Variants in ARFRP1 observed in about 807,000 individuals in gnomAD.
ARFRP1 encodes the protein ADP-ribosylation factor-related protein 1.
A neutral mutation model predicts 30.3 loss-of-function variants in ARFRP1; 19 were observed. The ratio of observed to expected loss-of-function variants is 0.63; its 90% CI spans 0.44 to 0.92. ARFRP1 has a LOEUF of 0.92. Among genes scored for constraint, ARFRP1 ranks in the 40% least tolerant of loss-of-function variants. The probability of loss-of-function intolerance (pLI) is 0.00; values close to 1 mark genes in which losing one functional copy is unlikely to be tolerated. For missense variants in ARFRP1, 245 were observed against 267.5 expected, an observed-to-expected ratio of 0.92 and a Z score of 0.59; for synonymous variants, 133 against 114.2, an observed-to-expected ratio of 1.16 and a Z score of -1.05.
At chr20:63,702,387 G>T in intron 4 of ARFRP1, 170 bp from the exon 5 acceptor site, 1 of 645,594 alleles carries the variant, frequency 1.5e-6, no homozygotes, top group Non-Finnish European at 2.7e-6. Flanking sequence ...GGGAGATCTG[G>T]TGGAGGTGTC....
chr20:63,706,987 G>A lies in ARFRP1; in HGVS notation c.93+12C>T, dbSNP rs757117033. ...CCGTGGGAAAGGTGCGCGCAAGGGC[G>A]TGGGCACTCACCGTCTTCCCAGCAT... On this transcript the variant is annotated intron_variant, in intron 2 of 7. Coordinates refer to ENST00000622789, the MANE Select transcript of ARFRP1 (RefSeq NM_001267547.3). The A allele has an allele frequency of 5.6e-6, 9 of 1,613,126 alleles. No individual in the cohort carries two copies. Among genetic ancestry groups the A allele is most frequent in the Non-Finnish European group, 6.8e-6 (8 of 1,179,728 alleles).
At chr20:63,705,954 C>T in intron 4 of ARFRP1, 1 of 347,862 alleles carries the variant, frequency 2.9e-6, no homozygotes, top group Non-Finnish European at 5.7e-6. Flanking sequence ...CTAGCCCCAG[C>T]CCTGAACCCA....
intron 4 of ARFRP1, chr20:63,703,566 G>C (rs1317812713): frequency 6.6e-6 from 1 of 152,330 alleles, no homozygotes; most frequent in Non-Finnish European, 1.5e-5. Flanking sequence ...AAGGGACCCT[G>C]CAGTGTGCCG....
intron 4 of ARFRP1, chr20:63,705,766 G>A: frequency 1.9e-6 from 1 of 533,142 alleles, no homozygotes; most frequent in South Asian, 1.4e-5. Context: ...AGGGTCCCCA[G>A]GTCCCCACAC....
In ARFRP1 at chr20:63,702,225, G is replaced by A. The variant is rs373427374; in HGVS notation, c.265-8C>T. 3.1e-6 allele frequency: 5 copies of A among 1,610,508 alleles called. No homozygotes were observed. The African/African-American group carries it at 5.3e-5, about 17-fold the overall frequency. The stretch of plus-strand genomic sequence containing the variant: ...GTGACACTCCGCATAATACTGGGAG[G>A]AAGCACCAGGAGTTGGGGCTCAGTC... On this transcript the variant is annotated splice_region_variant and splice_polypyrimidine_tract_variant and intron_variant, in intron 4 of 7. Coordinates refer to ENST00000622789, the MANE Select transcript of ARFRP1 (RefSeq NM_001267547.3).
At chr20:63,701,998 G>GCCCCCCCTCCCCCC in intron 5 of ARFRP1, 98 bp from the exon 6 acceptor site, 1 of 583,916 alleles carries the variant, frequency 1.7e-6, no homozygotes. Context: ...CACTCCCTCT[G>GCCCCCCCTCCCCCC]CCCCCCCCCC....
rs187347689 is a variant in ARFRP1 at position 63,702,605 on chromosome 20, G to A, written c.265-388C>T. 1.4e-4 allele frequency: 32 copies of A among 235,170 alleles called. No individual in the cohort carries two copies. The East Asian group carries it at 3.6e-3, about 26-fold the overall frequency. The allele number at this position is 235,170 out of a possible 1,614,324, so 14.6% of individuals were successfully genotyped here. ...TCTGTACAAAAGCTTATGGTAATGT[G>A]CGCCTGCAGTCCTAGCTACTCGGGA... is the stretch of plus-strand genomic sequence containing the variant. On this transcript the variant is annotated intron_variant, in intron 4 of 7. Coordinates refer to ENST00000622789, the MANE Select transcript of ARFRP1 (RefSeq NM_001267547.3).
At chr20:63,700,902 G>C (rs2145527758) in intron 6 of ARFRP1, 200 bp from the exon 7 acceptor site, 2 of 681,768 alleles carry the variant, frequency 2.9e-6, no homozygotes, top group South Asian at 1.9e-5. Flanking sequence ...GGTAGTGCCT[G>C]AGACAAACTA....
At position 63,706,644 on chromosome 20, in the gene ARFRP1, C is replaced by T. The variant is rs2091480547; in HGVS notation, c.181+7G>A. On this transcript the variant is annotated splice_region_variant and intron_variant, in intron 3 of 7. Transcript: ENST00000622789. ...CCAAACCCACAGCCTGCTATTGAGA[C>T]CCTTACTGTTTAGGCCCACGGTGGT... 3 of 1,600,132 alleles carry T rather than the reference C, an allele frequency of 1.9e-6. No individual in the cohort carries two copies. Among genetic ancestry groups the T allele is most frequent in the Non-Finnish European group, 1.7e-6 (2 of 1,167,444 alleles).
chr20:63,706,254 A>G, intron 4 of ARFRP1, 103 bp downstream of exon 4: 1 of 1,072,652 alleles, frequency 9.3e-7, no homozygotes, highest in Non-Finnish European at 1.4e-6. Flanking sequence ...CCCGAGGGAC[A>G]GAGTGGGTAA....
rs2091484193 is a variant in ARFRP1 at position 63,706,705 on chromosome 20, T to G, written c.127A>C (p.Lys43Gln). 1.2e-6 allele frequency: 2 copies of G among 1,613,922 alleles called. No homozygotes were observed. The highest frequency in any genetic ancestry group is 1.7e-5 in the Admixed American group (1 of 60,002). The change falls in exon 3 of 8, where the codon AAG becomes CAG. Residue 43 changes from lysine to glutamine, a missense_variant. By Grantham distance (53) the Lys-to-Gln change is moderately conservative (BLOSUM62 1). Transcript: ENST00000622789. ...GATAGACTCATCCCCTTGTAGTTCT[T>G]GTTAAATCGGGTTTTCGACTGCTCC... is the stretch of plus-strand genomic sequence containing the variant. ...FLEQSKTRFN[K>Q]NYKGMSLSKI...
chr20:63,706,963 C>T (rs1568772842), intron 2 of ARFRP1, 36 bp downstream of exon 2: 2 of 1,610,196 alleles, frequency 1.2e-6, no homozygotes, highest in East Asian at 2.2e-5. Flanking sequence ...GCCGCCAGGC[C>T]GTGGGAAAGG....
intron 6 of ARFRP1, 111 bp downstream of exon 6, chr20:63,701,719 C>T (rs1048156650): frequency 3.0e-6 from 3 of 998,844 alleles, no homozygotes; most frequent in Non-Finnish European, 4.5e-6. Flanking sequence ...TGGCTCTGTA[C>T]CCCCTGGGCA....
chr20:63,701,151 C>T, intron 6 of ARFRP1: 1 of 456,608 alleles, frequency 2.2e-6, no homozygotes, highest in Non-Finnish European at 4.6e-6. Flanking sequence ...GCAGCCCTCC[C>T]CTCCCCTTTT....
In ARFRP1 at chr20:63,706,979, G is replaced by C. The variant is rs1040617964; in HGVS notation, c.93+20C>G. On this transcript the variant is annotated intron_variant, in intron 2 of 7. Transcript: ENST00000622789. ...CCGCCAGGCCGTGGGAAAGGTGCGC[G>C]CAAGGGCGTGGGCACTCACCGTCTT... 7 of 1,612,318 alleles carry C rather than the reference G, an allele frequency of 4.3e-6. No individual in the cohort carries two copies. Among genetic ancestry groups the C allele is most frequent in the Non-Finnish European group, 5.1e-6 (6 of 1,179,330 alleles).
At chr20:63,700,749 T>G in intron 6 of ARFRP1, 47 bp from the exon 7 acceptor site, 5 of 1,595,652 alleles carry the variant, frequency 3.1e-6, no homozygotes, top group Non-Finnish European at 4.3e-6. Context: ...TCTGGCCCTG[T>G]CCTGCCTGTG....
At chr20:63,701,604 T>C in intron 6 of ARFRP1, 1 of 595,446 alleles carries the variant, frequency 1.7e-6, no homozygotes, top group Non-Finnish European at 3.0e-6. Context: ...GGAAGAGGCC[T>C]CTGGGCGCCT....
chr20:63,701,743 G>T, intron 6 of ARFRP1, 87 bp downstream of exon 6: 2 of 1,264,854 alleles, frequency 1.6e-6, no homozygotes, highest in Non-Finnish European at 1.1e-6. Context: ...ACTGGGCCTG[G>T]GGTGTCTGGG....
intron 2 of ARFRP1, 52 bp downstream of exon 2, chr20:63,706,947 G>A: frequency 3.1e-6 from 5 of 1,601,412 alleles, no homozygotes; most frequent in Non-Finnish European, 4.3e-6. Flanking sequence ...CAAAACCGAA[G>A]GGGGCGCCGC....
Sources: allele counts gnomAD v4.1 joint callset, GRCh38; gene constraint gnomAD v4.1.1; transcripts MANE v1.5; gene names NCBI Gene and HGNC (gene_info 2026-07-23, HGNC 2026-07-21).